Variants in GRXCR2 observed in about 807,000 individuals in gnomAD.
GRXCR2 encodes the protein glutaredoxin and cysteine rich domain containing 2, also known as glutaredoxin domain-containing cysteine-rich protein 2.
GRXCR2 carries 23 observed loss-of-function variants against 24.8 expected under a neutral mutation model. That is an observed-to-expected ratio of 0.93 (90% CI 0.67 to 1.32). GRXCR2 has a LOEUF of 1.32. Ranked by LOEUF, GRXCR2 falls within the 40% of genes most tolerant of loss-of-function variation. The probability of loss-of-function intolerance (pLI) is 0.00; values close to 1 mark genes in which losing one functional copy is unlikely to be tolerated. For synonymous variants in GRXCR2, 130 were observed against 116.1 expected, an observed-to-expected ratio of 1.12 and a Z score of -0.77; for missense variants, 315 against 303.4, an observed-to-expected ratio of 1.04 and a Z score of -0.28.
intron 1 of GRXCR2, among the ~76,000 whole-genome samples, chr5:145,868,924 G>A (rs1324104160): frequency 6.6e-6 from 1 of 152,214 alleles, no homozygotes; most frequent in Non-Finnish European, 1.5e-5. Flanking sequence ...TACATCAAAT[G>A]TCAATGGGGA....
Position 145,866,666 on chromosome 5 carries a change from T to C in GRXCR2, c.399A>G (p.Arg133=), listed in dbSNP as rs777621955. The C allele has an allele frequency of 1.9e-6, 3 of 1,613,928 alleles. No individual in the cohort carries two copies. Among genetic ancestry groups the C allele is most frequent in the Non-Finnish European group, 2.5e-6 (3 of 1,179,786 alleles). Residue 133 remains arginine (R), a synonymous_variant, in exon 2 of 3, where the codon CGA becomes CGG. Transcript: ENST00000377976. ...CAAAATCTCTCTTGTCCATTGGGGT[T>C]CGAATGATTTTCAGGTTATTAGTGT... ...IIYTNNLKII[R]TPMDKRDFVR...
At position 145,867,008 on chromosome 5, in the gene GRXCR2, T is replaced by C. The variant is rs116650855; in HGVS notation, c.337-280A>G. ...GGGCAGGGGCTAGAGCTTCTATTTGTACTGCATACCCCAACAGCCAATGCA... is the reference window on the plus strand; with the variant it reads ...GGGCAGGGGCTAGAGCTTCTATTTGCACTGCATACCCCAACAGCCAATGCA... On this transcript the variant is annotated intron_variant, in intron 1 of 2. Coordinates refer to ENST00000377976, the MANE Select transcript of GRXCR2 (RefSeq NM_001080516.2). 0.023 allele frequency among the ~76,000 whole-genome samples: 3,529 copies of C among 152,300 alleles called. 151 individuals are homozygous for C. Among genetic ancestry groups the C allele is most frequent in the African/African-American group, 0.081 (3,360 of 41,542 alleles).
chr5:145,898,286 T>A (rs1756976623), intron 2 of GRXCR2, among the ~76,000 whole-genome samples: 1 of 148,486 alleles, frequency 6.7e-6, no homozygotes, highest in Non-Finnish European at 1.5e-5. Flanking sequence ...GAATCAGTAA[T>A]TAAAAAAAAA....
chr5:145,865,411 C>A (rs1222022975), intron 2 of GRXCR2, among the ~76,000 whole-genome samples: 4 of 152,164 alleles, frequency 2.6e-5, no homozygotes. Context: ...CAAGGTGGTG[C>A]GTGCACACTT....
upstream of GRXCR2, among the ~76,000 whole-genome samples, chr5:145,875,353 A>G (rs1018219114): frequency 2.6e-5 from 4 of 152,180 alleles, no homozygotes; most frequent in Admixed American, 1.3e-4. Context: ...GATTAAGACC[A>G]TCCTGGCCAA....
At chr5:145,924,948 A>C (rs1224281208) in intron 2 of GRXCR2, among the ~76,000 whole-genome samples, 2 of 152,170 alleles carry the variant, frequency 1.3e-5, no homozygotes, top group Non-Finnish European at 2.9e-5. Context: ...AAGAGAAGCC[A>C]GCAGTTGGGC....
At chr5:145,889,773 A>G (rs1756837208) in intron 2 of GRXCR2, among the ~76,000 whole-genome samples, 1 of 152,236 alleles carries the variant, frequency 6.6e-6, no homozygotes, top group Non-Finnish European at 1.5e-5. Flanking sequence ...CATGGATTGC[A>G]AGAAAGCTCA....
chr5:145,897,290 C>T (rs938064174), intron 2 of GRXCR2, among the ~76,000 whole-genome samples: 3 of 150,576 alleles, frequency 2.0e-5, no homozygotes, highest in African/African-American at 4.9e-5. Context: ...TACATACAAA[C>T]GTTGTGCACA....
intron 2 of GRXCR2, among the ~76,000 whole-genome samples, chr5:145,931,275 G>A (rs1455928889): frequency 6.6e-6 from 1 of 152,086 alleles, no homozygotes; most frequent in Non-Finnish European, 1.5e-5. Context: ...CAAGCCATCC[G>A]CCTGCCTTAG....
In GRXCR2 at chr5:145,868,719, C is replaced by T. The variant is rs536011149; in HGVS notation, c.337-1991G>A. 2.0e-4 allele frequency among the ~76,000 whole-genome samples: 31 copies of T among 152,302 alleles called. 1 individual carries two copies. The highest frequency in any genetic ancestry group is 7.2e-4 in the African/African-American group (30 of 41,562). ...CGCTAAAAGAATCTGAGATCACCTA[C>T]TCCAAACCCCTGTTTCTGAGCTGCT... is the stretch of plus-strand genomic sequence containing the variant. On this transcript the variant is annotated intron_variant, in intron 1 of 2. Coordinates refer to ENST00000377976, the MANE Select transcript of GRXCR2 (RefSeq NM_001080516.2).
chr5:145,887,470 T>C (rs1047187739), intron 2 of GRXCR2, among the ~76,000 whole-genome samples: 1 of 152,222 alleles, frequency 6.6e-6, no homozygotes, highest in African/African-American at 2.4e-5. Flanking sequence ...ACATTTATTT[T>C]TTAGTACTGT....
intron 2 of GRXCR2, among the ~76,000 whole-genome samples, chr5:145,863,711 T>C (rs1253680643): frequency 2.0e-5 from 3 of 152,184 alleles, no homozygotes; most frequent in African/African-American, 7.2e-5. Context: ...TTGCCCAGGC[T>C]AGTTTCGAGC....
chr5:145,918,509 C>A (rs544620698), intron 2 of GRXCR2, among the ~76,000 whole-genome samples: 2 of 152,292 alleles, frequency 1.3e-5, no homozygotes, highest in East Asian at 3.9e-4. Flanking sequence ...TCACAACCTT[C>A]GATACTCACA....
chr5:145,885,085 A>ATGTGTGTGTG (rs1316523646), intron 2 of GRXCR2, among the ~76,000 whole-genome samples: 2 of 134,492 alleles, frequency 1.5e-5, no homozygotes, highest in African/African-American at 5.9e-5. Context: ...ATCATGCAGC[A>ATGTGTGTGTG]TGTGTGTGTG....
intron 1 of GRXCR2, among the ~76,000 whole-genome samples, chr5:145,870,462 T>C (rs968769869): frequency 6.6e-6 from 1 of 152,220 alleles, no homozygotes; most frequent in East Asian, 1.9e-4. Flanking sequence ...ATACCGCATC[T>C]TGTTTATCCA....
At chr5:145,921,277 T>C (rs568090791) in intron 2 of GRXCR2, among the ~76,000 whole-genome samples, 157 of 152,244 alleles carry the variant, frequency 1.0e-3, no homozygotes, top group Non-Finnish European at 1.3e-3. Flanking sequence ...ACACATTCAT[T>C]AGATATATAT....
intron 2 of GRXCR2, among the ~76,000 whole-genome samples, chr5:145,909,480 T>C (rs1757134909): frequency 6.6e-6 from 1 of 150,990 alleles, no homozygotes; most frequent in Non-Finnish European, 1.5e-5. Context: ...CATGTCACAC[T>C]TTCAGAGAAG....
At chr5:145,861,058 C>G (rs1025047984) in intron 2 of GRXCR2, among the ~76,000 whole-genome samples, 2 of 151,834 alleles carry the variant, frequency 1.3e-5, no homozygotes, top group Non-Finnish European at 2.9e-5. Context: ...AGATCGAAAC[C>G]TGCTAAATTC....
At chr5:145,892,580 G>GA (rs1756885053) in intron 2 of GRXCR2, among the ~76,000 whole-genome samples, 1 of 152,072 alleles carries the variant, frequency 6.6e-6, no homozygotes, top group Non-Finnish European at 1.5e-5. Flanking sequence ...GAAGTTTAGA[G>GA]AAAAAAGAAT....
Sources: gnomAD v4.1 joint callset for allele counts (sites outside exome capture counted in the v4.1 genomes callset) on GRCh38, gnomAD v4.1.1 for gene constraint, MANE v1.5 for transcripts, NCBI Gene and HGNC (gene_info 2026-07-23, HGNC 2026-07-21) for gene names.